The following GRIK1 variants were observed in gnomAD, a reference collection of about 807,000 sequenced individuals.
GRIK1 encodes glutamate ionotropic receptor kainate type subunit 1.
A neutral mutation model predicts 105.7 loss-of-function variants in GRIK1; 69 were observed. The ratio of observed to expected loss-of-function variants is 0.65; its 90% CI spans 0.54 to 0.80. GRIK1 has a LOEUF of 0.80. Ranked by LOEUF, GRIK1 falls within the 30% of genes least tolerant of loss-of-function variation. GRIK1 has a pLI of 0.00. For missense variants in GRIK1, 1,109 were observed against 1,167.3 expected (o/e 0.95, Z 0.73); for synonymous variants, 438 against 431.3 (o/e 1.02, Z -0.19).
intron 1 of GRIK1, among the ~76,000 whole-genome samples, chr21:29,737,869 C>T (rs191147415): frequency 1.0e-3 from 156 of 152,362 alleles, no homozygotes; most frequent in Non-Finnish European, 1.7e-3. Flanking sequence ...AAGTATTTTA[C>T]ATCCCATAAC....
intron 7 of GRIK1, among the ~76,000 whole-genome samples, chr21:29,611,624 AGAG>A (rs2061731588): frequency 6.6e-6 from 1 of 152,108 alleles, no homozygotes; most frequent in Non-Finnish European, 1.5e-5. Context: ...CAGTTTATTG[AGAG>A]GAAAGAGATC....
At chr21:29,779,829 G>T (rs929668430) in intron 1 of GRIK1, among the ~76,000 whole-genome samples, 4 of 152,140 alleles carry the variant, frequency 2.6e-5, no homozygotes, top group African/African-American at 9.7e-5. Flanking sequence ...TTTTGCTGGA[G>T]GTATCTAGCT....
intron 1 of GRIK1, among the ~76,000 whole-genome samples, chr21:29,848,679 TG>T (rs1441166613): frequency 1.3e-5 from 2 of 150,868 alleles, no homozygotes; most frequent in South Asian, 4.2e-4. Flanking sequence ...CTATATAGCC[TG>T]GCATTTGCAT....
intron 7 of GRIK1, among the ~76,000 whole-genome samples, chr21:29,628,297 A>T (rs898761960): frequency 6.6e-6 from 1 of 152,244 alleles, no homozygotes; most frequent in Admixed American, 6.5e-5. Flanking sequence ...CTAGGATGTC[A>T]GCTATTTCAG....
intron 1 of GRIK1, among the ~76,000 whole-genome samples, chr21:29,788,437 A>T (rs1201566458): frequency 6.6e-6 from 1 of 152,190 alleles, no homozygotes; most frequent in Non-Finnish European, 1.5e-5. Flanking sequence ...CAGTGAGCAC[A>T]GTTGAGATGG....
At chr21:29,543,004 A>G (rs1222992527) in intron 16 of GRIK1, among the ~76,000 whole-genome samples, 1 of 152,240 alleles carries the variant, frequency 6.6e-6, no homozygotes, top group Middle Eastern at 3.2e-3. Context: ...ACCTACCATA[A>G]GTTGAAAGCA....
intron 3 of GRIK1, among the ~76,000 whole-genome samples, chr21:29,681,723 A>T (rs1247036592): frequency 1.3e-5 from 2 of 152,246 alleles, no homozygotes; most frequent in African/African-American, 4.8e-5. Context: ...TTATTCCCAT[A>T]GAACCTAAGC....
intron 1 of GRIK1, among the ~76,000 whole-genome samples, chr21:29,924,333 T>G (rs2071284907): frequency 8.0e-6 from 1 of 124,284 alleles, no homozygotes; most frequent in African/African-American, 3.4e-5. Flanking sequence ...TGAGACTGGC[T>G]CAAAAAAAAA....
chr21:29,596,847 A>G (rs2061423886), intron 8 of GRIK1: 2 of 451,528 alleles, frequency 4.4e-6, no homozygotes, highest in South Asian at 4.2e-5. Context: ...CAATGTATAC[A>G]GGTATGCTGC....
At chr21:29,888,071 T>A (rs1186053469) in intron 1 of GRIK1, among the ~76,000 whole-genome samples, 2 of 151,742 alleles carry the variant, frequency 1.3e-5, no homozygotes, top group Admixed American at 1.3e-4. Context: ...CTCAAAGGAC[T>A]AGGAAGAACA....
At chr21:29,822,288 G>A (rs774945581) in intron 1 of GRIK1, among the ~76,000 whole-genome samples, 2 of 151,948 alleles carry the variant, frequency 1.3e-5, no homozygotes, top group Non-Finnish European at 2.9e-5. Flanking sequence ...ACAAAAACTG[G>A]GGACAGAACA....
intron 7 of GRIK1, among the ~76,000 whole-genome samples, chr21:29,628,770 G>T (rs1271292458): frequency 6.6e-6 from 1 of 152,106 alleles, no homozygotes; most frequent in Non-Finnish European, 1.5e-5. Flanking sequence ...CCAAAAATCA[G>T]ATTAGTCAGT....
chr21:29,706,762 A>G (rs373726411), intron 1 of GRIK1, among the ~76,000 whole-genome samples: 7 of 152,360 alleles, frequency 4.6e-5, no homozygotes, highest in African/African-American at 1.7e-4. Flanking sequence ...TTGGAAATAC[A>G]CACCATTTAT....
chr21:29,784,306 A>G (rs1412088664), intron 1 of GRIK1, among the ~76,000 whole-genome samples: 1 of 152,216 alleles, frequency 6.6e-6, no homozygotes, highest in African/African-American at 2.4e-5. Flanking sequence ...GTACATGTGA[A>G]GAATATTTCC....
At chr21:29,643,583 A>G (rs1230463511) in intron 6 of GRIK1, among the ~76,000 whole-genome samples, 1 of 152,196 alleles carries the variant, frequency 6.6e-6, no homozygotes, top group Non-Finnish European at 1.5e-5. Context: ...TCTTGCCAGC[A>G]TGTGCTTTCT....
chr21:29,804,188 A>T (rs961410726), intron 1 of GRIK1, among the ~76,000 whole-genome samples: 6 of 152,046 alleles, frequency 3.9e-5, no homozygotes, highest in African/African-American at 1.4e-4. Context: ...TTTTTCCCCT[A>T]ACCTACATCT....
At chr21:29,803,044 T>C (rs914767519) in intron 1 of GRIK1, among the ~76,000 whole-genome samples, 1 of 152,106 alleles carries the variant, frequency 6.6e-6, no homozygotes, top group Non-Finnish European at 1.5e-5. Flanking sequence ...TACATAATGC[T>C]GTAGTTTTTT....
intron 1 of GRIK1, among the ~76,000 whole-genome samples, chr21:29,903,990 T>C (rs1322125967): frequency 6.6e-6 from 1 of 152,190 alleles, no homozygotes; most frequent in East Asian, 1.9e-4. Flanking sequence ...TGGATGAAGC[T>C]GGAAACCATC....
At chr21:29,826,319 C>T (rs1254857765) in intron 1 of GRIK1, among the ~76,000 whole-genome samples, 2 of 152,084 alleles carry the variant, frequency 1.3e-5, no homozygotes, top group Non-Finnish European at 2.9e-5. Flanking sequence ...TTTTATGTGT[C>T]AACTGGGCTT....
Sources: gnomAD v4.1 joint callset for allele counts (sites outside exome capture counted in the v4.1 genomes callset) on GRCh38, gnomAD v4.1.1 for gene constraint, MANE v1.5 for transcripts, NCBI Gene and HGNC (gene_info 2026-07-23, HGNC 2026-07-21) for gene names.